ANK3: variants seen among roughly 807,000 people sequenced by gnomAD.
ANK3 encodes ankyrin 3, also known as ankyrin-3.
A neutral mutation model predicts 370.9 loss-of-function variants in ANK3; 57 were observed. The observed-to-expected ratio is 0.15, with a 90% CI of 0.12 to 0.19. The LOEUF (loss-of-function observed/expected upper bound fraction) is 0.19. ANK3 is among the 10% of genes least tolerant of loss of function. ANK3 has a pLI of 1.00. For missense variants in ANK3, 4,439 were observed against 5,302.1 expected (o/e 0.84, Z 5.06); for synonymous variants, 1,929 against 1,946.3 (o/e 0.99, Z 0.23).
intron 2 of ANK3, among the ~76,000 whole-genome samples, chr10:60,531,807 C>T (rs1267881889): frequency 1.3e-5 from 2 of 152,056 alleles, no homozygotes; most frequent in East Asian, 3.9e-4. Context: ...GAACCAGTAT[C>T]ACCTAGAAGT....
chr10:60,507,257 A>G (rs2075964727), intron 2 of ANK3, among the ~76,000 whole-genome samples: 2 of 152,110 alleles, frequency 1.3e-5, no homozygotes, highest in Non-Finnish European at 2.9e-5. Context: ...TACTTTAACA[A>G]TAATCACTGC....
Position 60,269,570 on chromosome 10 carries a change from G to A in ANK3, c.513+561C>T, listed in dbSNP as rs146334698. Among the ~76,000 whole-genome samples, 165 of 152,066 alleles carry A rather than the reference G, an allele frequency of 1.1e-3. No individual in the cohort carries two copies. The East Asian group carries it at 0.017, about 16-fold the overall frequency. Reference sequence around the variant, plus strand: ...TGAGGCAGGATAATTGCTTGAACCCGGGAGGCGGAGGTTGCAGTGAGCTGA... The same window carrying A: ...TGAGGCAGGATAATTGCTTGAACCCAGGAGGCGGAGGTTGCAGTGAGCTGA... On this transcript the variant is annotated intron_variant, in intron 5 of 43. Coordinates refer to ENST00000280772, the MANE Select transcript of ANK3 (RefSeq NM_020987.5).
rs147185375 is a variant in ANK3, at chr10:60,051,892, T to C, written c.13065+3766A>G. On this transcript the variant is annotated intron_variant, in intron 42 of 43. Coordinates refer to ENST00000280772, the MANE Select transcript of ANK3 (RefSeq NM_020987.5). ...GCAGAAACTACAATTAAATCATTCA[T>C]ATTCCTTTTAAAACTAGTTTAAAAT... 1.0e-3 allele frequency among the ~76,000 whole-genome samples: 157 copies of C among 152,208 alleles called. 3 individuals carry two copies. The East Asian group carries it at 0.028, about 27-fold the overall frequency.
chr10:60,034,392 C>T (rs2074452482), intron 43 of ANK3, among the ~76,000 whole-genome samples: 1 of 152,140 alleles, frequency 6.6e-6, no homozygotes, highest in Admixed American at 6.5e-5. Context: ...ACAGGCGTGT[C>T]ACCATGCCCA....
rs1173169854 is a variant in ANK3 at position 60,074,304 on chromosome 10, A to G, written c.6577T>C (p.Ser2193Pro). ...ATAAAAGTAGGTGAAGGTTTAGGTG[A>G]CACAGGCTCCTCTGGTTGGGTCTGG... ...VPQTQPEEPV[S>P]PKPSPTFMEL... The change falls in exon 37 of 44, where the codon TCA becomes CCA. Residue 2193 changes from serine to proline, a missense_variant. Ser to Pro is a moderately conservative substitution (Grantham distance 74). Transcript: ENST00000280772. 1 of 1,614,010 alleles carries G rather than the reference A, an allele frequency of 6.2e-7. No individual in the cohort carries two copies. Among genetic ancestry groups the G allele is most frequent in the South Asian group, 1.1e-5 (1 of 91,048 alleles).
chr10:60,556,274 G>T (rs2077204927), intron 2 of ANK3, among the ~76,000 whole-genome samples: 2 of 152,162 alleles, frequency 1.3e-5, no homozygotes, highest in Non-Finnish European at 2.9e-5. Context: ...GTAGCTAAGT[G>T]CACCATCTAT....
At chr10:60,521,130 C>A (rs2076337096) in intron 2 of ANK3, among the ~76,000 whole-genome samples, 1 of 151,820 alleles carries the variant, frequency 6.6e-6, no homozygotes, top group Non-Finnish European at 1.5e-5. Flanking sequence ...TAATTATGGA[C>A]CTTATTTTAT....
At chr10:60,534,770 A>C (rs2076685579) in intron 2 of ANK3, among the ~76,000 whole-genome samples, 1 of 152,168 alleles carries the variant, frequency 6.6e-6, no homozygotes, top group Non-Finnish European at 1.5e-5. Context: ...AACAGTTAAA[A>C]TGGCAATTTT....
At chr10:60,515,092 A>G (rs925128159) in intron 2 of ANK3, among the ~76,000 whole-genome samples, 1 of 152,170 alleles carries the variant, frequency 6.6e-6, no homozygotes, top group African/African-American at 2.4e-5. Context: ...GGAATACTAG[A>G]GCTATACTAT....
intron 2 of ANK3, among the ~76,000 whole-genome samples, chr10:60,557,661 T>C (rs1195845512): frequency 6.6e-6 from 1 of 152,136 alleles, no homozygotes; most frequent in African/African-American, 2.4e-5. Flanking sequence ...ATTATTACAA[T>C]AGTAAATTTT....
chr10:60,300,341 T>C (rs1426703969), intron 1 of ANK3: 1 of 1,288,828 alleles, frequency 7.8e-7, no homozygotes, highest in East Asian at 5.5e-5. Context: ...GCTCTCTCCC[T>C]CTTCCACTGC....
intron 2 of ANK3, among the ~76,000 whole-genome samples, chr10:60,427,863 T>C (rs1001907246): frequency 4.6e-5 from 7 of 152,150 alleles, no homozygotes; most frequent in Non-Finnish European, 7.4e-5. Context: ...TTTCTGACAA[T>C]GCACTGAACA....
In ANK3 at chr10:60,596,998, G is replaced by A. The variant is rs567545373; in HGVS notation, c.96+18188C>T. On this transcript the variant is annotated intron_variant, in intron 2 of 43. Transcript: ENST00000373827. Reference sequence around the variant, plus strand: ...TTACATAAAAAATTGAATCCATACCGCATAAAAAGATTCAATCAATATGAA... The same window carrying A: ...TTACATAAAAAATTGAATCCATACCACATAAAAAGATTCAATCAATATGAA... 3.3e-5 allele frequency among the ~76,000 whole-genome samples: 5 copies of A among 151,958 alleles called. No homozygotes were observed. The East Asian group carries it at 5.8e-4, about 18-fold the overall frequency.
At chr10:60,357,206 G>A (rs1235815463) in intron 1 of ANK3, among the ~76,000 whole-genome samples, 2 of 152,048 alleles carry the variant, frequency 1.3e-5, no homozygotes, top group South Asian at 2.1e-4. Flanking sequence ...TCACTCCAAG[G>A]CTCTTTCTCC....
chr10:60,203,442 A>ATG (rs1042202789), intron 11 of ANK3, among the ~76,000 whole-genome samples: 4 of 152,092 alleles, frequency 2.6e-5, no homozygotes, highest in Admixed American at 2.0e-4. Context: ...CCTTATCCAT[A>ATG]TGTGTGTGTG....
intron 2 of ANK3, among the ~76,000 whole-genome samples, chr10:60,543,963 C>T (rs2076907281): frequency 6.6e-6 from 1 of 152,006 alleles, no homozygotes; most frequent in South Asian, 2.1e-4. Flanking sequence ...TTTGTTGCTT[C>T]ATTTACCATC....
intron 26 of ANK3, among the ~76,000 whole-genome samples, chr10:60,109,672 C>A (rs2092535685): frequency 6.6e-6 from 1 of 152,062 alleles, no homozygotes; most frequent in African/African-American, 2.4e-5. Flanking sequence ...TCTGAAATAA[C>A]CTACATTTGA....
intron 2 of ANK3, among the ~76,000 whole-genome samples, chr10:60,558,900 T>C (rs1046190368): frequency 3.3e-5 from 5 of 152,118 alleles, no homozygotes; most frequent in Admixed American, 3.3e-4. Flanking sequence ...CATATTACTT[T>C]TACCATCATG....
chr10:60,104,585 G>A lies in ANK3; in HGVS notation c.3328+1320C>T, dbSNP rs1329316628. On this transcript the variant is annotated intron_variant, in intron 28 of 43. Transcript: ENST00000280772. ...AAGTGGAATTAAAACCACCTGATTTGCAGTGCTATCCTTTCTTTTTAAATT... is the reference window on the plus strand; with the variant it reads ...AAGTGGAATTAAAACCACCTGATTTACAGTGCTATCCTTTCTTTTTAAATT... Among the ~76,000 whole-genome samples, 5 of 151,894 alleles carry A rather than the reference G, an allele frequency of 3.3e-5. No individual in the cohort carries two copies. The East Asian group carries it at 9.7e-4, about 29-fold the overall frequency.
Sources: gnomAD v4.1 joint callset for allele counts (sites outside exome capture counted in the v4.1 genomes callset) on GRCh38, gnomAD v4.1.1 for gene constraint, MANE v1.5 for transcripts, NCBI Gene and HGNC (gene_info 2026-07-23, HGNC 2026-07-21) for gene names.